ZNF66: variants seen among roughly 807,000 people sequenced by gnomAD.
ZNF66 encodes the protein putative zinc finger protein 66.
Under a neutral mutation model 35.2 loss-of-function variants are expected in ZNF66, and 32 were observed. That is an observed-to-expected ratio of 0.91 (90% CI 0.69 to 1.22). ZNF66 has a LOEUF of 1.22. Among genes scored for constraint, ZNF66 ranks in the 50% most tolerant of loss-of-function variants. The probability of loss-of-function intolerance (pLI) is 0.00; values close to 1 mark genes in which losing one functional copy is unlikely to be tolerated. For synonymous variants in ZNF66, 231 were observed against 181.3 expected (o/e 1.27, Z -2.20); for missense variants, 666 against 543.1 (o/e 1.23, Z -2.25).
rs1599370428 is a variant in ZNF66, at chr19:20,809,873, G to C, written c.*2551G>C. The stretch of plus-strand genomic sequence containing the variant: ...AATGGGCTAAATGCTCCAATTAAAA[G>C]ACACAGACAGGCAAATTGGATAAAT... On this transcript the variant is annotated 3_prime_UTR_variant, in exon 4 of 4. Transcript: ENST00000344519. Among the ~76,000 whole-genome samples, 1 of 152,216 alleles carries C rather than the reference G, an allele frequency of 6.6e-6. No individual in the cohort carries two copies. The highest frequency in any genetic ancestry group is 1.9e-4 in the East Asian group (1 of 5,182).
Position 20,809,912 on chromosome 19 carries a change from C to A in ZNF66, c.*2590C>A, listed in dbSNP as rs1283629072. Among the ~76,000 whole-genome samples, 2 of 152,150 alleles carry A rather than the reference C, an allele frequency of 1.3e-5. No individual in the cohort carries two copies. The highest frequency in any genetic ancestry group is 2.9e-5 in the Non-Finnish European group (2 of 68,026). On this transcript the variant is annotated 3_prime_UTR_variant, in exon 4 of 4. Coordinates refer to ENST00000344519, the MANE Select transcript of ZNF66 (RefSeq NM_001355197.2). ...AATTGGATAAATAGTCAAGACCCATCAGGGTGCTGTATTCAGGAAACCCAT... is the reference window on the plus strand; with the variant it reads ...AATTGGATAAATAGTCAAGACCCATAAGGGTGCTGTATTCAGGAAACCCAT...
chr19:20,783,261 ATTC>A (rs1971260204), intron 1 of ZNF66, among the ~76,000 whole-genome samples: 2 of 152,156 alleles, frequency 1.3e-5, no homozygotes, highest in Admixed American at 1.3e-4. Context: ...CCCCATAAAC[ATTC>A]TTTGAAGTGC....
Position 20,808,155 on chromosome 19 carries a change from G to A in ZNF66, c.*833G>A, listed in dbSNP as rs940548872. Among the ~76,000 whole-genome samples, 1 of 152,210 alleles carries A rather than the reference G, an allele frequency of 6.6e-6. No individual in the cohort carries two copies. The highest frequency in any genetic ancestry group is 2.4e-5 in the African/African-American group (1 of 41,462). ...AACTGCAAGGCAGCAGCGAGGCTGGGGGAGGAGCGCCTGCCATTGCCCAGG... is the reference window on the plus strand; with the variant it reads ...AACTGCAAGGCAGCAGCGAGGCTGGAGGAGGAGCGCCTGCCATTGCCCAGG... On this transcript the variant is annotated 3_prime_UTR_variant, in exon 4 of 4. Transcript: ENST00000344519.
intron 3 of ZNF66, among the ~76,000 whole-genome samples, chr19:20,801,556 G>C (rs1487004529): frequency 1.3e-5 from 2 of 152,030 alleles, no homozygotes; most frequent in Admixed American, 6.6e-5. Flanking sequence ...TGATGGCCAG[G>C]CTCATCTTGA....
chr19:20,785,498 C>T (rs1416998216), intron 1 of ZNF66, among the ~76,000 whole-genome samples: 1 of 152,096 alleles, frequency 6.6e-6, no homozygotes, highest in Admixed American at 6.5e-5. Context: ...ACCCAGATGC[C>T]CTATTCCATC....
At chr19:20,781,017 T>A (rs1971240826) in intron 1 of ZNF66, among the ~76,000 whole-genome samples, 1 of 152,222 alleles carries the variant, frequency 6.6e-6, no homozygotes, top group Non-Finnish European at 1.5e-5. Flanking sequence ...CACAAGTCTC[T>A]GCAAGTCTCC....
At position 20,806,634 on chromosome 19, in the gene ZNF66, A is replaced by G. The variant is rs1362990568; in HGVS notation, c.1034A>G (p.Glu345Gly). The G allele has an allele frequency of 6.3e-7, 1 of 1,576,960 alleles. No individual in the cohort carries two copies. The highest frequency in any genetic ancestry group is 8.7e-7 in the Non-Finnish European group (1 of 1,147,696). ...HTGEKPYKCE[E>G]CGKGFKYSST... ...GGAGAGAAACCCTACAAATGTGAAG[A>G]ATGTGGCAAAGGCTTTAAGTACTCC... The change falls in exon 4 of 4, where the codon GAA becomes GGA. Residue 345 changes from glutamate to glycine, a missense_variant. Glu to Gly is a moderately conservative substitution (Grantham distance 98, BLOSUM62 -2). Coordinates refer to ENST00000344519, the MANE Select transcript of ZNF66 (RefSeq NM_001355197.2).
At chr19:20,795,655 C>G (rs1179546468) in intron 3 of ZNF66, among the ~76,000 whole-genome samples, 1 of 152,148 alleles carries the variant, frequency 6.6e-6, no homozygotes. Flanking sequence ...GTGTGAGGCA[C>G]TGTACCCTGC....
At chr19:20,787,425 C>T (rs901078727) in intron 1 of ZNF66, among the ~76,000 whole-genome samples, 2 of 152,162 alleles carry the variant, frequency 1.3e-5, no homozygotes, top group African/African-American at 4.8e-5. Context: ...TCAAAGGATG[C>T]AGAGCCAGGT....
intron 1 of ZNF66, among the ~76,000 whole-genome samples, chr19:20,783,897 C>T (rs1971265501): frequency 6.6e-6 from 1 of 152,164 alleles, no homozygotes; most frequent in African/African-American, 2.4e-5. Context: ...CACTCTGTTT[C>T]CCAGGCTGGA....
intron 2 of ZNF66, among the ~76,000 whole-genome samples, chr19:20,793,449 A>AGTAT (rs1971361319): frequency 6.7e-6 from 1 of 149,596 alleles, no homozygotes; most frequent in Non-Finnish European, 1.5e-5. Flanking sequence ...CAGCCTCCCG[A>AGTAT]GTATGTGGGA....
chr19:20,776,396 A>T lies in ZNF66; in HGVS notation c.-52A>T, dbSNP rs1971194378. 6.5e-7 allele frequency: 1 copy of T among 1,547,194 alleles called. No homozygotes were observed. The highest frequency in any genetic ancestry group is 1.7e-5 in the Admixed American group (1 of 59,628). ...CAGCCTCTGTGGCCCTGTGTCCTGC[A>T]GGTATTGGGAGATCCACAGCTAAGA... On this transcript the variant is annotated 5_prime_UTR_variant, in exon 1 of 4. Coordinates refer to ENST00000344519, the MANE Select transcript of ZNF66 (RefSeq NM_001355197.2).
chr19:20,806,091 A>C lies in ZNF66; in HGVS notation c.491A>C (p.Lys164Thr), dbSNP rs750701192. 3.4e-6 allele frequency: 3 copies of C among 889,678 alleles called. No homozygotes were observed. The highest frequency in any genetic ancestry group is 5.6e-6 in the Non-Finnish European group (3 of 532,094). 55.1% of individuals were successfully genotyped at this position (889,678 alleles called of 1,614,324 possible). ...FHQFSNTNRH[K>T]IRHTGKNPCK... ...CAATTTTCAAATACAAACAGACATA[A>C]GATAAGACATACTGGAAAAAACCCT... Residue 164 changes from lysine to threonine, a missense_variant, in exon 4 of 4, where the codon AAG becomes ACG. By Grantham distance (78) the Lys-to-Thr change is moderately conservative. Transcript: ENST00000344519.
chr19:20,799,061 C>CT (rs374547894), intron 3 of ZNF66: 20,961 of 116,058 alleles, frequency 0.18, 2,399 homozygotes, highest in Non-Finnish European at 0.21. Flanking sequence ...CTTTTTCTTT[C>CT]TTTCTTTTTT....
At chr19:20,791,639 G>T (rs1283231398) in intron 1 of ZNF66, among the ~76,000 whole-genome samples, 1 of 152,036 alleles carries the variant, frequency 6.6e-6, no homozygotes, top group Non-Finnish European at 1.5e-5. Flanking sequence ...AACATAGGAG[G>T]TATCTGTATT....
At chr19:20,790,068 G>C (rs561364801) in intron 1 of ZNF66, among the ~76,000 whole-genome samples, 1 of 152,268 alleles carries the variant, frequency 6.6e-6, no homozygotes, top group South Asian at 2.1e-4. Context: ...CAGGGGACTT[G>C]TTTAAAACAC....
At chr19:20,796,411 T>C (rs140606926) in intron 3 of ZNF66, among the ~76,000 whole-genome samples, 20 of 152,310 alleles carry the variant, frequency 1.3e-4, no homozygotes, top group Non-Finnish European at 2.8e-4. Flanking sequence ...AGATAACTCA[T>C]AGGGACCCAT....
intron 3 of ZNF66, 136 bp from the exon 4 acceptor site, chr19:20,805,691 G>T (rs1971495675): frequency 4.7e-6 from 2 of 422,796 alleles, no homozygotes; most frequent in Non-Finnish European, 8.4e-6. Context: ...TATATGTCCA[G>T]GAAGAAATTA....
chr19:20,806,299 CTG>C lies in ZNF66; in HGVS notation c.702_703del (p.Cys234TrpfsTer5), dbSNP rs1568501399. 2 of 1,479,876 alleles carry C rather than the reference CTG, an allele frequency of 1.4e-6. No homozygotes were observed. The highest frequency in any genetic ancestry group is 2.9e-5 in the African/African-American group (2 of 68,990). 91.7% of individuals were successfully genotyped at this position (1,479,876 alleles called of 1,614,324 possible). ...TGEKRYKCED[C>X]GKAFNRSSNL... is the part of the protein sequence containing the mutation. ...GAGAGAAACGGTACAAATGTGAAGA[CTG>C]TGGCAAAGCCTTTAACCGCTCCTCT... On this transcript the variant is annotated frameshift_variant, in exon 4 of 4. Transcript: ENST00000344519. LOFTEE classifies it high-confidence loss of function.
Sources: allele counts gnomAD v4.1 joint callset (sites outside exome capture counted in the v4.1 genomes callset), GRCh38; gene constraint gnomAD v4.1.1; transcripts MANE v1.5; gene names NCBI Gene and HGNC (gene_info 2026-07-23, HGNC 2026-07-21).